Variants in MAP3K5 observed in about 807,000 individuals in gnomAD.
The protein encoded by MAP3K5 is ASK-1.
MAP3K5 carries 56 observed loss-of-function variants against 158.7 expected under a neutral mutation model. The ratio of observed to expected loss-of-function variants is 0.35; its 90% confidence interval spans 0.28 to 0.44. MAP3K5 has a LOEUF of 0.44. MAP3K5 is among the 20% of genes least tolerant of loss of function. The probability of loss-of-function intolerance (pLI) is 1.00; values close to 1 mark genes in which losing one functional copy is unlikely to be tolerated. For missense variants in MAP3K5, 1,294 were observed against 1,674.8 expected, an observed-to-expected ratio of 0.77 and a Z score of 3.97; for synonymous variants, 579 against 601.7, an observed-to-expected ratio of 0.96 and a Z score of 0.55.
At position 136,557,842 on chromosome 6, in the gene MAP3K5, G is replaced by A. The variant is rs200153510; in HGVS notation, c.4065-24C>T. 7,476 of 1,520,710 alleles carry A rather than the reference G, an allele frequency of 4.9e-3. 55 individuals are homozygous for A. The highest frequency in any genetic ancestry group is 0.017 in the Middle Eastern group (100 of 5,916). The allele number at this position is 1,520,710 out of a possible 1,614,324, so 94.2% of individuals were successfully genotyped here. On this transcript the variant is annotated intron_variant, in intron 29 of 29. Transcript: ENST00000359015. ...CCCTGTTTAAAGACACAAGAACATG[G>A]TGAAACGAACATTTCATTTGAAACA...
chr6:136,789,485 C>G (rs558608877), intron 1 of MAP3K5, among the ~76,000 whole-genome samples: 1 of 152,030 alleles, frequency 6.6e-6, no homozygotes, highest in African/African-American at 2.4e-5. Context: ...AGAAGCAGTA[C>G]GAAGGGACAG....
intron 1 of MAP3K5, among the ~76,000 whole-genome samples, chr6:136,771,940 GAC>G (rs1381807752): frequency 6.6e-6 from 1 of 150,994 alleles, no homozygotes; most frequent in Non-Finnish European, 1.5e-5. Flanking sequence ...TATTTTTTGA[GAC>G]ACAGTCTTGC....
At chr6:136,635,618 G>A (rs1412912289) in intron 14 of MAP3K5, among the ~76,000 whole-genome samples, 1 of 151,122 alleles carries the variant, frequency 6.6e-6, no homozygotes, top group African/African-American at 2.4e-5. Flanking sequence ...GCCAGGCATG[G>A]TGCTTATCCC....
intron 1 of MAP3K5, among the ~76,000 whole-genome samples, chr6:136,786,546 G>C (rs935704691): frequency 6.6e-6 from 1 of 152,160 alleles, no homozygotes; most frequent in Non-Finnish European, 1.5e-5. Context: ...CTGTCTCTGA[G>C]TGACAGTCTC....
At chr6:136,786,318 G>T (rs1784841005) in intron 1 of MAP3K5, among the ~76,000 whole-genome samples, 1 of 148,758 alleles carries the variant, frequency 6.7e-6, no homozygotes, top group Admixed American at 6.8e-5. Flanking sequence ...AGCAGAGGTT[G>T]CAGTGAGCCG....
At chr6:136,721,587 C>T (rs890233198) in intron 1 of MAP3K5, among the ~76,000 whole-genome samples, 22 of 152,088 alleles carry the variant, frequency 1.4e-4, no homozygotes, top group African/African-American at 5.1e-4. Flanking sequence ...ACAAAATGTA[C>T]CAAGTGTTAT....
rs9483931 is a variant in MAP3K5, at chr6:136,576,586, G to A, written c.3517+3715C>T. On this transcript the variant is annotated intron_variant, in intron 25 of 29. Transcript: ENST00000359015. The stretch of plus-strand genomic sequence containing the variant: ...CCTCACGAAGCCTTAGGATTACAGG[G>A]GTGAGACACCATGCCCAACTACAAT... Among the ~76,000 whole-genome samples, 131 of 152,080 alleles carry A rather than the reference G, an allele frequency of 8.6e-4. 1 individual carries two copies. The highest frequency in any genetic ancestry group is 3.0e-3 in the African/African-American group (124 of 41,416).
intron 3 of MAP3K5, among the ~76,000 whole-genome samples, chr6:136,702,385 T>C (rs1176711536): frequency 6.6e-6 from 1 of 152,250 alleles, no homozygotes; most frequent in Non-Finnish European, 1.5e-5. Context: ...GGAACATTTA[T>C]TTCCCAAGTT....
In MAP3K5 at chr6:136,695,964, A is replaced by G; in HGVS notation, c.1069T>C (p.Phe357Leu). The change falls in exon 6 of 30, where the codon TTT (phenylalanine) becomes CTT (leucine). Residue 357 changes from phenylalanine (F) to leucine (L), a missense_variant. Coordinates refer to ENST00000359015, the MANE Select transcript of MAP3K5 (RefSeq NM_005923.4). Reference protein sequence around the residue: ...SHHHVKFHYAFALNRRNLPGD... With the variant: ...SHHHVKFHYALALNRRNLPGD... Reference sequence around the variant, plus strand: ...TTTTCTTCTTACCTATTCAGTGCAAATGCATAATGAAACTTCACATGGTGA... The same window carrying G: ...TTTTCTTCTTACCTATTCAGTGCAAGTGCATAATGAAACTTCACATGGTGA... 6.2e-7 allele frequency: 1 copy of G among 1,612,128 alleles called. No individual in the cohort carries two copies.
chr6:136,617,108 C>A (rs1776599192), intron 15 of MAP3K5, among the ~76,000 whole-genome samples: 1 of 152,148 alleles, frequency 6.6e-6, no homozygotes, highest in Non-Finnish European at 1.5e-5. Flanking sequence ...CCTGGAGAAG[C>A]AATATCCTTA....
At chr6:136,678,786 C>T (rs1376194642) in intron 7 of MAP3K5, among the ~76,000 whole-genome samples, 2 of 151,654 alleles carry the variant, frequency 1.3e-5, no homozygotes, top group East Asian at 1.9e-4. Context: ...AGTGCAATGG[C>T]GCTATCTTGG....
chr6:136,747,632 G>T (rs1039584204), intron 1 of MAP3K5, among the ~76,000 whole-genome samples: 13 of 152,154 alleles, frequency 8.5e-5, no homozygotes, highest in African/African-American at 2.7e-4. Flanking sequence ...TAAGTGGGAG[G>T]TTATGAGGCA....
intron 12 of MAP3K5, among the ~76,000 whole-genome samples, chr6:136,640,109 T>C (rs1198241224): frequency 6.6e-6 from 1 of 152,240 alleles, no homozygotes; most frequent in African/African-American, 2.4e-5. Flanking sequence ...AGTGAAGCAA[T>C]GTGCAAGTGC....
intron 1 of MAP3K5, among the ~76,000 whole-genome samples, chr6:136,764,150 T>G (rs1402611428): frequency 6.6e-6 from 1 of 152,176 alleles, no homozygotes; most frequent in Non-Finnish European, 1.5e-5. Flanking sequence ...GCAAGAATGT[T>G]CAGACCATGG....
chr6:136,573,763 G>A (rs1774472503), intron 25 of MAP3K5, among the ~76,000 whole-genome samples: 1 of 152,136 alleles, frequency 6.6e-6, no homozygotes, highest in Non-Finnish European at 1.5e-5. Context: ...CCATGTGTCA[G>A]GAGAAAGACT....
chr6:136,557,703 G>T lies in MAP3K5; in HGVS notation c.*55C>A. The T allele has an allele frequency of 2.3e-6, 3 of 1,291,608 alleles. No homozygotes were observed. Among genetic ancestry groups the T allele is most frequent in the South Asian group, 1.2e-5 (1 of 84,454 alleles). The allele number at this position is 1,291,608 out of a possible 1,614,324, so 80.0% of individuals were successfully genotyped here. Reference sequence around the variant, plus strand: ...CCTTCGATTTTCCCACCCCCAAGAAGATCAGCTCTGTATTAATTTTTAGAA... The same window carrying T: ...CCTTCGATTTTCCCACCCCCAAGAATATCAGCTCTGTATTAATTTTTAGAA... On this transcript the variant is annotated 3_prime_UTR_variant, in exon 30 of 30. Coordinates refer to ENST00000359015, the MANE Select transcript of MAP3K5 (RefSeq NM_005923.4).
chr6:136,716,408 G>T (rs140190364), intron 2 of MAP3K5, among the ~76,000 whole-genome samples: 8 of 152,168 alleles, frequency 5.3e-5, no homozygotes, highest in Non-Finnish European at 2.9e-5. Flanking sequence ...TTTAAAAGTA[G>T]CATTGTTTAA....
chr6:136,696,032 A>C lies in MAP3K5; in HGVS notation c.1001T>G (p.Val334Gly). 1 of 1,611,602 alleles carries C rather than the reference A, an allele frequency of 6.2e-7. No individual in the cohort carries two copies. The highest frequency in any genetic ancestry group is 8.5e-7 in the Non-Finnish European group (1 of 1,177,888). ...IQDYDSIVKL[V>G]ETLEKLPTFD... Reference sequence around the variant, plus strand: ...GGTTGGCAGTTTTTCTAAAGTCTCTACCAGCTTCACAATAGAATCATAGTC... The same window carrying C: ...GGTTGGCAGTTTTTCTAAAGTCTCTCCCAGCTTCACAATAGAATCATAGTC... Residue 334 changes from valine (V) to glycine (G), a missense_variant, in exon 6 of 30, where the codon GTA becomes GGA. By Grantham distance (109) the Val-to-Gly change is moderately radical (BLOSUM62 -3). This residue lies in a region of MAP3K5 where 690 missense variants were observed against 870.5 expected (regional missense o/e 0.79). Transcript: ENST00000359015.
intron 3 of MAP3K5, among the ~76,000 whole-genome samples, chr6:136,702,040 A>G (rs1049289716): frequency 6.6e-6 from 1 of 152,240 alleles, no homozygotes; most frequent in African/African-American, 2.4e-5. Flanking sequence ...AACAGCAGAG[A>G]AAAGCAGTTC....
Sources: allele counts gnomAD v4.1 joint callset (sites outside exome capture counted in the v4.1 genomes callset), GRCh38; gene constraint gnomAD v4.1.1; regional missense constraint gnomAD v4.1.1; transcripts MANE v1.5; gene names NCBI Gene and HGNC (gene_info 2026-07-23, HGNC 2026-07-21).